ZNF512: variants seen among roughly 807,000 people sequenced by gnomAD.
ZNF512 encodes zinc finger protein 512.
ZNF512 carries 25 observed loss-of-function variants against 77.5 expected under a neutral mutation model. The ratio of observed to expected loss-of-function variants is 0.32; its 90% CI spans 0.23 to 0.45. ZNF512 has a LOEUF of 0.45. ZNF512 is among the 20% of genes least tolerant of loss of function. The pLI is 1.00. For missense variants in ZNF512, 483 were observed against 692.6 expected (o/e 0.70, Z 3.40); for synonymous variants, 246 against 239.9 (o/e 1.03, Z -0.24).
At chr2:27,594,347 G>A (rs1244104263) in intron 2 of ZNF512, among the ~76,000 whole-genome samples, 6 of 143,206 alleles carry the variant, frequency 4.2e-5, no homozygotes, top group African/African-American at 1.0e-4. Context: ...GGTGGCGGCC[G>A]GGCGGAGGCG....
intron 5 of ZNF512, 111 bp from the exon 6 acceptor site, chr2:27,600,580 A>G (rs140612015): frequency 0.013 from 16,549 of 1,314,242 alleles, 132 homozygotes; most frequent in Non-Finnish European, 0.014. Context: ...ATCGCAGTCT[A>G]CCAGGAAAAG....
chr2:27,619,180 C>G (rs150512889), intron 13 of ZNF512, among the ~76,000 whole-genome samples: 2 of 152,264 alleles, frequency 1.3e-5, no homozygotes, highest in Admixed American at 1.3e-4. Flanking sequence ...GAGGCCGAGG[C>G]GGGCAGATCA....
rs147448746 is a variant in ZNF512 at position 27,598,002 on chromosome 2, A to G, written c.90-65A>G. On this transcript the variant is annotated intron_variant, in intron 2 of 13. Coordinates refer to ENST00000355467, the MANE Select transcript of ZNF512 (RefSeq NM_032434.4). Reference sequence around the variant, plus strand: ...GAGGTAACCAACTTGGTTATAATGTAAAAGAATGTATAGAAATTTTGCTCC... The same window carrying G: ...GAGGTAACCAACTTGGTTATAATGTGAAAGAATGTATAGAAATTTTGCTCC... The G allele has an allele frequency of 1.4e-3, 1,870 of 1,357,686 alleles. 32 individuals carry two copies. In the Admixed American group the frequency reaches 0.029, roughly 21 times the overall value. The allele number at this position is 1,357,686 out of a possible 1,614,324, so 84.1% of individuals were successfully genotyped here.
chr2:27,587,712 A>C (rs1671400102), intron 2 of ZNF512, among the ~76,000 whole-genome samples: 2 of 136,554 alleles, frequency 1.5e-5, no homozygotes, highest in East Asian at 2.2e-4. Context: ...ACAGAGTTTC[A>C]CTCTTGTTGC....
In ZNF512 at chr2:27,603,147, C is replaced by T. The variant is rs752582762; in HGVS notation, c.776C>T (p.Ser259Phe). 6.2e-7 allele frequency: 1 copy of T among 1,614,090 alleles called. No individual in the cohort carries two copies. The highest frequency in any genetic ancestry group is 8.5e-7 in the Non-Finnish European group (1 of 1,179,998). The part of the protein sequence containing the change: ...GKLRCMRESC[S>F]SSFTSIMGYL... Reference sequence around the variant, plus strand: ...CTTCTCTCCTCTGTTCAGAGTTGCTCCAGTAGCTTCACCAGCATCATGGGA... The same window carrying T: ...CTTCTCTCCTCTGTTCAGAGTTGCTTCAGTAGCTTCACCAGCATCATGGGA... Residue 259 changes from serine (S) to phenylalanine (F), a missense_variant, in exon 9 of 14, where the codon TCC becomes TTC. Ser to Phe is a radical substitution (Grantham distance 155, BLOSUM62 -2). This residue lies in a region of ZNF512 where 324 missense variants were observed against 525.0 expected (regional missense o/e 0.62). Coordinates refer to ENST00000355467, the MANE Select transcript of ZNF512 (RefSeq NM_032434.4).
At chr2:27,601,877 A>G (rs920550790) in intron 7 of ZNF512, among the ~76,000 whole-genome samples, 4 of 152,124 alleles carry the variant, frequency 2.6e-5, no homozygotes, top group African/African-American at 9.7e-5. Context: ...TCGATCTCCC[A>G]ACCTCAGGTG....
chr2:27,603,031 G>A, intron 8 of ZNF512, 109 bp from the exon 9 acceptor site: 1 of 1,264,718 alleles, frequency 7.9e-7, no homozygotes, highest in Non-Finnish European at 1.1e-6. Flanking sequence ...ACTGAAATCA[G>A]AGGGTCTATT....
intron 2 of ZNF512, among the ~76,000 whole-genome samples, chr2:27,595,277 C>T (rs1402917173): frequency 1.3e-5 from 2 of 151,390 alleles, no homozygotes; most frequent in East Asian, 1.9e-4. Flanking sequence ...CTTTGTTCTT[C>T]AGACTGGTTT....
At chr2:27,584,411 A>G (rs1234483550) in intron 2 of ZNF512, among the ~76,000 whole-genome samples, 1 of 152,214 alleles carries the variant, frequency 6.6e-6, no homozygotes, top group African/African-American at 2.4e-5. Context: ...ACAAAAGAAA[A>G]CATTCTTGTT....
intron 2 of ZNF512, among the ~76,000 whole-genome samples, chr2:27,591,633 T>C (rs546739547): frequency 2.4e-4 from 36 of 152,304 alleles, no homozygotes; most frequent in Middle Eastern, 3.4e-3. Flanking sequence ...ATGGTCTTGA[T>C]CTCTTGCCCT....
intron 6 of ZNF512, 112 bp from the exon 7 acceptor site, chr2:27,601,244 C>G: frequency 1.3e-6 from 1 of 742,080 alleles, no homozygotes; most frequent in East Asian, 2.8e-5. Flanking sequence ...GATTTATTGA[C>G]TATTGAGCTT....
intron 12 of ZNF512, 152 bp from the exon 13 acceptor site, chr2:27,617,321 T>C: frequency 3.4e-6 from 2 of 596,928 alleles, no homozygotes; most frequent in Middle Eastern, 9.1e-4. Flanking sequence ...TCCAAGCTGG[T>C]TTTCCTAAAT....
intron 8 of ZNF512, 29 bp downstream of exon 8, chr2:27,602,590 T>C (rs1159516829): frequency 1.3e-6 from 2 of 1,578,984 alleles, no homozygotes; most frequent in Non-Finnish European, 1.7e-6. Flanking sequence ...CAATTCCTTC[T>C]GCCTGAATTC....
chr2:27,583,352 C>T, intron 1 of ZNF512: 1 of 1,295,578 alleles, frequency 7.7e-7, no homozygotes. Context: ...CGCCACATTA[C>T]CATTAGTTTC....
At position 27,615,215 on chromosome 2, in the gene ZNF512, A is replaced by G. The variant is rs1390379717; in HGVS notation, c.1179A>G (p.Leu393=). The G allele has an allele frequency of 1.2e-6, 2 of 1,608,082 alleles. No individual in the cohort carries two copies. The highest frequency in any genetic ancestry group is 1.1e-5 in the South Asian group (1 of 89,826). ...PGLPTFSQEV[L]HKWKTDIKKY... is the part of the protein sequence containing the mutation. Reference sequence around the variant, plus strand: ...TCCCTACCTTCAGCCAGGAAGTACTACATAAATGGAAGACAGATATCAAGA... The same window carrying G: ...TCCCTACCTTCAGCCAGGAAGTACTGCATAAATGGAAGACAGATATCAAGA... The change falls in exon 11 of 14, where the codon CTA becomes CTG. Residue 393 remains leucine (L), a synonymous_variant. Coordinates refer to ENST00000355467, the MANE Select transcript of ZNF512 (RefSeq NM_032434.4).
At position 27,603,232 on chromosome 2, in the gene ZNF512, G is replaced by A; in HGVS notation, c.861G>A (p.Leu287=). ...CTGCAGAGCTGGAAAAGATGACCCT[G>A]AAATGTCACCACTGTGGAAAACCAT... ...KGAAELEKMT[L]KCHHCGKPYR... is the part of the protein sequence containing the mutation. Residue 287 remains leucine (L), a synonymous_variant, in exon 9 of 14, where the codon CTG becomes CTA. Transcript: ENST00000355467. The A allele has an allele frequency of 6.2e-7, 1 of 1,614,176 alleles. No homozygotes were observed. The highest frequency in any genetic ancestry group is 8.5e-7 in the Non-Finnish European group (1 of 1,180,014).
rs779112637 is a variant in ZNF512 at position 27,583,070 on chromosome 2, GC to G, written c.-41del. ...GGAGAGCGGAAGTGGCGTTGGTCTGGCCGGAGCCCTTGGGTGAAATTGTTAG... is the reference window on the plus strand; with the variant it reads ...GGAGAGCGGAAGTGGCGTTGGTCTGGCGGAGCCCTTGGGTGAAATTGTTAG... On this transcript the variant is annotated 5_prime_UTR_variant, in exon 1 of 14. Transcript: ENST00000355467. The G allele has an allele frequency of 1.9e-6, 3 of 1,613,808 alleles. No individual in the cohort carries two copies. The South Asian group carries it at 3.3e-5, about 18-fold the overall frequency.
chr2:27,607,568 A>G (rs1378196867), intron 9 of ZNF512, among the ~76,000 whole-genome samples: 2 of 152,104 alleles, frequency 1.3e-5, no homozygotes, highest in East Asian at 3.9e-4. Flanking sequence ...GGGTTTCACC[A>G]TGTTAGCCAG....
At chr2:27,600,093 A>C in intron 5 of ZNF512, 40 bp downstream of exon 5, 2 of 1,595,748 alleles carry the variant, frequency 1.3e-6, no homozygotes, top group South Asian at 1.1e-5. Flanking sequence ...TGTAGTTCTC[A>C]CACTCTGATT....
Sources: allele counts gnomAD v4.1 joint callset (sites outside exome capture counted in the v4.1 genomes callset), GRCh38; gene constraint gnomAD v4.1.1; regional missense constraint gnomAD v4.1.1; transcripts MANE v1.5; gene names NCBI Gene and HGNC (gene_info 2026-07-23, HGNC 2026-07-21).